The following PTPRT variants were observed in gnomAD, a reference collection of about 807,000 sequenced individuals.
PTPRT encodes the protein receptor-type tyrosine-protein phosphatase T.
In PTPRT, 56 loss-of-function variants were observed where a neutral mutation model predicts 176.8. The ratio of observed to expected loss-of-function variants is 0.32; its 90% CI spans 0.26 to 0.40. PTPRT has a LOEUF of 0.40. Among genes scored for constraint, PTPRT ranks in the 10% least tolerant of loss-of-function variants. PTPRT has a pLI of 1.00. For synonymous variants in PTPRT, 783 were observed against 739.0 expected (o/e 1.06, Z -0.96); for missense variants, 1,540 against 1,908.2 (o/e 0.81, Z 3.60).
intron 7 of PTPRT, among the ~76,000 whole-genome samples, chr20:42,481,908 A>C (rs1046786519): frequency 3.9e-5 from 6 of 152,084 alleles, no homozygotes; most frequent in African/African-American, 1.2e-4. Context: ...TCTTGACTGC[A>C]ACACTAGTGT....
intron 7 of PTPRT, among the ~76,000 whole-genome samples, chr20:42,590,267 T>G (rs1043903498): frequency 1.1e-4 from 17 of 152,064 alleles, no homozygotes; most frequent in African/African-American, 4.1e-4. Flanking sequence ...GCCACTGTCT[T>G]ATGCAACCAC....
chr20:42,726,032 T>G lies in PTPRT; in HGVS notation c.859+30430A>C, dbSNP rs1370186243. 3.3e-5 allele frequency among the ~76,000 whole-genome samples: 5 copies of G among 151,214 alleles called. No homozygotes were observed. The East Asian group carries it at 7.8e-4, about 23-fold the overall frequency. ...CTATGTGAGAGAATACATTCATAGA[T>G]TCTGGACAGTAGAATGTGGGCATCT... is the stretch of plus-strand genomic sequence containing the variant. On this transcript the variant is annotated intron_variant, in intron 6 of 30. Transcript: ENST00000373187.
chr20:43,051,604 T>TC (rs1600675703), intron 1 of PTPRT, among the ~76,000 whole-genome samples: 2 of 133,522 alleles, frequency 1.5e-5, no homozygotes, highest in Admixed American at 1.7e-4. Context: ...TTATGGTCCT[T>TC]CCAGCCACAC....
chr20:42,284,962 A>G (rs1461986101), intron 12 of PTPRT, among the ~76,000 whole-genome samples: 1 of 137,262 alleles, frequency 7.3e-6, no homozygotes, highest in Non-Finnish European at 1.6e-5. Context: ...CCAAAAGATG[A>G]AAAAAAAAAA....
chr20:43,129,168 G>A (rs2013557724), intron 1 of PTPRT, among the ~76,000 whole-genome samples: 1 of 152,154 alleles, frequency 6.6e-6, no homozygotes, highest in African/African-American at 2.4e-5. Flanking sequence ...TGCCCAAGGG[G>A]GTGTAGGGGG....
In PTPRT at chr20:42,864,394, C is replaced by T. The variant is rs189803442; in HGVS notation, c.214+21413G>A. On this transcript the variant is annotated intron_variant, in intron 2 of 30. Transcript: ENST00000373187. Reference sequence around the variant, plus strand: ...AGGCCTAACAAGTCCTCAGGGTTTTCCATCAGTACACAGGTTACCAAGGCA... The same window carrying T: ...AGGCCTAACAAGTCCTCAGGGTTTTTCATCAGTACACAGGTTACCAAGGCA... 5.0e-3 allele frequency among the ~76,000 whole-genome samples: 765 copies of T among 152,222 alleles called. 4 individuals are homozygous for T. The highest frequency in any genetic ancestry group is 8.7e-3 in the Non-Finnish European group (594 of 68,002).
intron 16 of PTPRT, 91 bp downstream of exon 16, chr20:42,199,146 GGCA>G: frequency 6.9e-7 from 1 of 1,453,188 alleles, no homozygotes; most frequent in Non-Finnish European, 9.4e-7. Context: ...CCCTATGCCT[GGCA>G]GCACCTGATC....
Position 42,256,928 on chromosome 20 carries a change from C to T in PTPRT, c.2177-8106G>A, listed in dbSNP as rs186034667. 3.9e-5 allele frequency among the ~76,000 whole-genome samples: 6 copies of T among 152,268 alleles called. No homozygotes were observed. In the East Asian group the frequency reaches 9.7e-4, roughly 25 times the overall value. On this transcript the variant is annotated intron_variant, in intron 13 of 30. Transcript: ENST00000373187. ...CATGGAGTCACCGCCAAAGAAGGGG[C>T]CTGAGCCCAAGAGAAAGAAGGCTCC...
intron 7 of PTPRT, among the ~76,000 whole-genome samples, chr20:42,541,290 G>T (rs560345665): frequency 6.6e-6 from 1 of 152,062 alleles, no homozygotes; most frequent in South Asian, 2.1e-4. Flanking sequence ...CATTACATGG[G>T]GTGAAGGTGG....
chr20:42,661,939 GGTGCC>G (rs2075230411), intron 7 of PTPRT, among the ~76,000 whole-genome samples: 1 of 152,188 alleles, frequency 6.6e-6, no homozygotes, highest in Admixed American at 6.5e-5. Flanking sequence ...CAATGGACAG[GGTGCC>G]CTTGGCTTCC....
chr20:42,062,869 G>A, the PTPRT span, among the ~76,000 whole-genome samples: 2 of 152,232 alleles, frequency 1.3e-5, no homozygotes, highest in Admixed American at 1.3e-4. Flanking sequence ...GACCAGCTGA[G>A]CTGAGCTATG....
intron 7 of PTPRT, among the ~76,000 whole-genome samples, chr20:42,554,265 G>A (rs2072821917): frequency 6.6e-6 from 1 of 151,972 alleles, no homozygotes; most frequent in African/African-American, 2.4e-5. Context: ...TATCCAAAAA[G>A]CACTTGTACC....
At chr20:42,118,323 A>C (rs1987400467) in intron 21 of PTPRT, 80 bp downstream of exon 21, 1 of 1,298,698 alleles carries the variant, frequency 7.7e-7, no homozygotes, top group Admixed American at 2.1e-5. Flanking sequence ...GGAGGCACTT[A>C]GCACGATGCA....
intron 13 of PTPRT, among the ~76,000 whole-genome samples, chr20:42,278,473 A>G (rs961820530): frequency 1.9e-4 from 29 of 151,912 alleles, no homozygotes; most frequent in Non-Finnish European, 7.4e-5. Flanking sequence ...GGATCAGATC[A>G]CGCAGGCAAG....
At chr20:42,287,850 T>A (rs2057256742) in intron 12 of PTPRT, among the ~76,000 whole-genome samples, 1 of 151,896 alleles carries the variant, frequency 6.6e-6, no homozygotes, top group Non-Finnish European at 1.5e-5. Context: ...ACAATTAGTA[T>A]ACGTTAAAAA....
chr20:43,117,760 T>G (rs773680503), intron 1 of PTPRT, among the ~76,000 whole-genome samples: 14 of 152,326 alleles, frequency 9.2e-5, no homozygotes, highest in Non-Finnish European at 1.8e-4. Context: ...AAGCTTCAAG[T>G]TGGACAATGC....
At chr20:42,184,911 C>T (rs565787607) in intron 16 of PTPRT, among the ~76,000 whole-genome samples, 21 of 151,770 alleles carry the variant, frequency 1.4e-4, no homozygotes, top group African/African-American at 4.8e-4. Context: ...GTTGGGATTA[C>T]AGGCATGAGT....
chr20:42,605,642 T>TA, intron 7 of PTPRT, among the ~76,000 whole-genome samples: 1 of 152,180 alleles, frequency 6.6e-6, no homozygotes. Flanking sequence ...TAAGTGGTTG[T>TA]GGCTTTCAGA....
At chr20:43,070,927 C>G (rs6030627) in intron 1 of PTPRT, among the ~76,000 whole-genome samples, 70,923 of 148,762 alleles carry the variant, frequency 0.48, 17,418 homozygotes, top group East Asian at 0.75. Flanking sequence ...TGTAACAAAC[C>G]TGCACATTGT....
Sources: gnomAD v4.1 joint callset for allele counts (sites outside exome capture counted in the v4.1 genomes callset) on GRCh38, gnomAD v4.1.1 for gene constraint, MANE v1.5 for transcripts, NCBI Gene and HGNC (gene_info 2026-07-23, HGNC 2026-07-21) for gene names.